NIN: variants seen among roughly 807,000 people sequenced by gnomAD.
NIN encodes the protein ninein.
A neutral mutation model predicts 257.6 loss-of-function variants in NIN; 137 were observed. That is an observed-to-expected ratio of 0.53 (90% CI 0.46 to 0.61). The LOEUF is 0.61. Ranked by LOEUF, NIN falls within the 20% of genes least tolerant of loss-of-function variation. NIN has a pLI of 0.00. For missense variants in NIN, 2,439 were observed against 2,501.2 expected, an observed-to-expected ratio of 0.98 and a Z score of 0.53; for synonymous variants, 918 against 919.8, an observed-to-expected ratio of 1.00 and a Z score of 0.04.
intron 20 of NIN, among the ~76,000 whole-genome samples, chr14:50,753,592 G>C (rs2041893542): frequency 6.6e-6 from 1 of 151,690 alleles, no homozygotes; most frequent in Non-Finnish European, 1.5e-5. Context: ...TTTATACATG[G>C]TAGTATTTTG....
intron 5 of NIN, among the ~76,000 whole-genome samples, chr14:50,786,428 C>CTGT (rs973200157): frequency 2.6e-5 from 4 of 152,070 alleles, no homozygotes; most frequent in African/African-American, 9.7e-5. Flanking sequence ...ACAATTCCCG[C>CTGT]TGGGATCAAG....
At chr14:50,783,013 A>C (rs567586084) in intron 5 of NIN, among the ~76,000 whole-genome samples, 2 of 152,284 alleles carry the variant, frequency 1.3e-5, no homozygotes, top group African/African-American at 4.8e-5. Context: ...CAGCATCCTC[A>C]TCTTCGATGA....
intron 2 of NIN, among the ~76,000 whole-genome samples, chr14:50,826,181 C>T (rs1489188599): frequency 6.6e-6 from 1 of 152,210 alleles, no homozygotes; most frequent in Non-Finnish European, 1.5e-5. Context: ...AAGAAAGTTA[C>T]ATTTTGAGCG....
Position 50,757,016 on chromosome 14 carries a change from G to A in NIN, c.4014C>T (p.Ser1338=), listed in dbSNP as rs533886131. ...AGCAGCAGTCACACCGCTGGACCACGCTTTCCTGAAGCTTCTCAATCTTGC... is the reference window on the plus strand; with the variant it reads ...AGCAGCAGTCACACCGCTGGACCACACTTTCCTGAAGCTTCTCAATCTTGC... ...LQGKIEKLQE[S]VVQRCDCCLW... The change falls in exon 18 of 31, where the codon AGC becomes AGT. Residue 1338 remains serine (S), a synonymous_variant. Coordinates refer to ENST00000530997, the MANE Select transcript of NIN (RefSeq NM_020921.4). The A allele has an allele frequency of 1.7e-4, 271 of 1,613,032 alleles. 5 individuals carry two copies. In the South Asian group the frequency reaches 2.7e-3, roughly 16 times the overall value.
At chr14:50,807,199 T>C (rs981086408) in intron 3 of NIN, among the ~76,000 whole-genome samples, 4 of 152,332 alleles carry the variant, frequency 2.6e-5, no homozygotes, top group East Asian at 1.9e-4. Context: ...AATGTAACGA[T>C]GTCCCAAAGA....
At chr14:50,807,244 A>T (rs2044371720) in intron 3 of NIN, among the ~76,000 whole-genome samples, 1 of 152,238 alleles carries the variant, frequency 6.6e-6, no homozygotes, top group Non-Finnish European at 1.5e-5. Context: ...AGAAGGGAGT[A>T]AGCTGTCTTT....
chr14:50,776,997 C>T lies in NIN; in HGVS notation c.618G>A (p.Lys206=), dbSNP rs1451583352. Residue 206 remains lysine (K), a synonymous_variant, in exon 7 of 31, where the codon AAG becomes AAA. Coordinates refer to ENST00000530997, the MANE Select transcript of NIN (RefSeq NM_020921.4). ...CATACTGCTCACAGATGGAGACCAG[C>T]TTCTTCCGGTTCAGGTGACCATCAC... ...ITRDGHLNRK[K]LVSICEQYGL... The T allele has an allele frequency of 1.8e-5, 29 of 1,614,076 alleles. No individual in the cohort carries two copies. The highest frequency in any genetic ancestry group is 2.3e-5 in the Non-Finnish European group (27 of 1,180,012).
chr14:50,811,765 T>A (rs1444897034), intron 3 of NIN, among the ~76,000 whole-genome samples: 2 of 151,626 alleles, frequency 1.3e-5, no homozygotes, highest in Admixed American at 1.3e-4. Context: ...GAGGCTGAGG[T>A]GGGCGGATCA....
chr14:50,762,556 CAG>C (rs568157492), intron 15 of NIN, among the ~76,000 whole-genome samples: 149 of 152,228 alleles, frequency 9.8e-4, no homozygotes, highest in African/African-American at 3.4e-3. Context: ...TTTTAAAAAA[CAG>C]GGCATAGGTT....
intron 3 of NIN, among the ~76,000 whole-genome samples, chr14:50,812,461 C>A (rs1197446658): frequency 6.6e-6 from 1 of 152,158 alleles, no homozygotes; most frequent in South Asian, 2.1e-4. Flanking sequence ...AAGTATAAGG[C>A]AGGATCAGGA....
At chr14:50,795,784 A>G (rs2043811922) in intron 4 of NIN, among the ~76,000 whole-genome samples, 1 of 152,174 alleles carries the variant, frequency 6.6e-6, no homozygotes, top group Non-Finnish European at 1.5e-5. Context: ...GGGACATGAA[A>G]TGCCTGGCCA....
At position 50,721,541 on chromosome 14, in the gene NIN, A is replaced by G. The variant is rs1241177978; in HGVS notation, c.*1922T>C. On this transcript the variant is annotated 3_prime_UTR_variant, in exon 31 of 31. Coordinates refer to ENST00000530997, the MANE Select transcript of NIN (RefSeq NM_020921.4). ...TTATTTTTGTCCTTAGCCTAGGCCA[A>G]TCCACAGTTTTAAGTGAAACAATTT... 1.4e-5 allele frequency: 3 copies of G among 217,712 alleles called. No homozygotes were observed. The allele number at this position is 217,712 out of a possible 1,614,324, so 13.5% of individuals were successfully genotyped here. A position where few individuals can be genotyped will look rare whatever the true frequency, so the allele number is the denominator to read the frequency against.
intron 3 of NIN, among the ~76,000 whole-genome samples, chr14:50,808,563 A>G (rs1471750152): frequency 6.6e-6 from 1 of 152,202 alleles, no homozygotes; most frequent in African/African-American, 2.4e-5. Context: ...GTCTGTCTGG[A>G]AAACTGGGGA....
Position 50,739,398 on chromosome 14 carries a change from A to G in NIN, c.5538T>C (p.Asn1846=), listed in dbSNP as rs2041162417. Residue 1846 remains asparagine, a synonymous_variant, in exon 26 of 31, where the codon AAT becomes AAC. Transcript: ENST00000530997. ...CTTGCCAAAGCAGCTGCTGTTCCTC[A>G]TTCATCAGATGATCCAACTTGTCCC... ...LSWDKLDHLM[N]EEQQLLWQEN... The G allele has an allele frequency of 6.2e-7, 1 of 1,614,050 alleles. No homozygotes were observed. The highest frequency in any genetic ancestry group is 1.3e-5 in the African/African-American group (1 of 74,910).
At chr14:50,806,143 T>C (rs1407820548) in intron 4 of NIN, 2 of 152,178 alleles carry the variant, frequency 1.3e-5, no homozygotes, top group Non-Finnish European at 2.9e-5. Context: ...CCTATGGTGC[T>C]TAGAAAAAAA....
intron 4 of NIN, among the ~76,000 whole-genome samples, chr14:50,793,694 A>C (rs2142038344): frequency 6.6e-6 from 1 of 152,230 alleles, no homozygotes; most frequent in African/African-American, 2.4e-5. Context: ...CCCCGTTACC[A>C]TCACCACCAC....
intron 29 of NIN, among the ~76,000 whole-genome samples, chr14:50,728,000 C>T (rs2040495658): frequency 6.6e-6 from 1 of 152,108 alleles, no homozygotes; most frequent in Non-Finnish European, 1.5e-5. Flanking sequence ...GGAGAGCCTG[C>T]AGTAGCATTC....
At chr14:50,774,028 A>C (rs2042831094) in intron 7 of NIN, among the ~76,000 whole-genome samples, 1 of 152,234 alleles carries the variant, frequency 6.6e-6, no homozygotes, top group Non-Finnish European at 1.5e-5. Flanking sequence ...CAATGTACAA[A>C]ATGGAAATCT....
rs1411404778 is a variant in NIN, at chr14:50,748,053, T to A, written c.5003A>T (p.Gln1668Leu). 6.2e-7 allele frequency: 1 copy of A among 1,614,124 alleles called. No individual in the cohort carries two copies. Among genetic ancestry groups the A allele is most frequent in the Non-Finnish European group, 8.5e-7 (1 of 1,179,960 alleles). Reference protein sequence around the residue: ...LEAELSEVKIQTHIVQQENHL... With the variant: ...LEAELSEVKILTHIVQQENHL... Reference sequence around the variant, plus strand: ...GTTTTCCTGTTGCACAATATGGGTCTGTATTTTAACTTCAGAGAGCTCCGC... The same window carrying A: ...GTTTTCCTGTTGCACAATATGGGTCAGTATTTTAACTTCAGAGAGCTCCGC... Residue 1668 changes from glutamine (Q) to leucine (L), a missense_variant, in exon 22 of 31, where the codon CAG becomes CTG. This residue lies in a region of NIN where 2,043 missense variants were observed against 2,050.2 expected (regional missense o/e 1.00). Transcript: ENST00000530997.
Sources: gnomAD v4.1 joint callset for allele counts (sites outside exome capture counted in the v4.1 genomes callset) on GRCh38, gnomAD v4.1.1 for gene constraint, gnomAD v4.1.1 regional missense constraint, MANE v1.5 for transcripts, NCBI Gene and HGNC (gene_info 2026-07-23, HGNC 2026-07-21) for gene names.